Variants in SKAP1 observed in about 807,000 individuals in gnomAD.
The protein encoded by SKAP1 is src kinase associated phosphoprotein 1.
In SKAP1, 44 loss-of-function variants were observed where a neutral mutation model predicts 58.5. That is an observed-to-expected ratio of 0.75 (90% confidence interval 0.59 to 0.97). SKAP1 has a LOEUF of 0.97. Among genes scored for constraint, SKAP1 ranks in the 50% least tolerant of loss-of-function variants. SKAP1 has a pLI of 0.00. For missense variants in SKAP1, 390 were observed against 435.2 expected (o/e 0.90, Z 0.92); for synonymous variants, 127 against 149.7 (o/e 0.85, Z 1.11).
upstream of SKAP1, among the ~76,000 whole-genome samples, chr17:48,434,747 G>C (rs2067932190): frequency 1.3e-5 from 2 of 152,154 alleles, no homozygotes; most frequent in South Asian, 4.1e-4. Context: ...ATTAGAATCA[G>C]GTACAAAGCT....
At chr17:48,183,272 G>T (rs1007384198) in intron 7 of SKAP1, among the ~76,000 whole-genome samples, 2 of 152,178 alleles carry the variant, frequency 1.3e-5, no homozygotes, top group African/African-American at 2.4e-5. Context: ...TATTGTGATA[G>T]CTGTGGGAAT....
At chr17:48,384,564 G>T (rs192286270) in intron 2 of SKAP1, among the ~76,000 whole-genome samples, 4 of 152,276 alleles carry the variant, frequency 2.6e-5, no homozygotes, top group Admixed American at 2.0e-4. Flanking sequence ...GCAGAGTAAC[G>T]TCCTACTGCA....
intron 3 of SKAP1, among the ~76,000 whole-genome samples, chr17:48,349,151 G>C (rs1394249446): frequency 6.6e-6 from 1 of 152,194 alleles, no homozygotes; most frequent in Non-Finnish European, 1.5e-5. Flanking sequence ...TGGGTGAAAA[G>C]TTTTATAGAA....
chr17:48,154,359 C>CTCCCTGTTTCCACATCAAT (rs1175343456), intron 11 of SKAP1, among the ~76,000 whole-genome samples: 2 of 152,200 alleles, frequency 1.3e-5, no homozygotes, highest in Non-Finnish European at 2.9e-5. Context: ...GTCTGTATGG[C>CTCCCTGTTTCCACATCAAT]TCCCTGTTTC....
At chr17:48,296,505 T>C (rs2065974840) in intron 4 of SKAP1, among the ~76,000 whole-genome samples, 1 of 152,206 alleles carries the variant, frequency 6.6e-6, no homozygotes, top group Admixed American at 6.5e-5. Context: ...TCTTTAAAAT[T>C]GTTTTGATGT....
At chr17:48,198,184 G>T (rs190755684) in intron 4 of SKAP1, among the ~76,000 whole-genome samples, 2 of 152,022 alleles carry the variant, frequency 1.3e-5, no homozygotes, top group Non-Finnish European at 2.9e-5. Context: ...GGCCGGGCGC[G>T]GTGGCTCACG....
At position 48,430,090 on chromosome 17, in the gene SKAP1, G is replaced by C. The variant is rs1350430741; in HGVS notation, c.31C>G (p.Arg11Gly). 7.9e-7 allele frequency: 1 copy of C among 1,266,858 alleles called. No individual in the cohort carries two copies. Among genetic ancestry groups the C allele is most frequent in the East Asian group, 3.0e-5 (1 of 33,112 alleles). The allele number at this position is 1,266,858 out of a possible 1,614,324, so 78.5% of individuals were successfully genotyped here. MQAAALPEEIRWLLEDAEEFL... is the reference protein window; with the variant it reads MQAAALPEEIGWLLEDAEEFL... Reference sequence around the variant, plus strand: ...AGGGCGTTACCTTCCAGGAGCCAACGGATCTCCTCAGGGAGGGCGGCGGCC... The same window carrying C: ...AGGGCGTTACCTTCCAGGAGCCAACCGATCTCCTCAGGGAGGGCGGCGGCC... Residue 11 changes from arginine (R) to glycine (G), a missense_variant, in exon 1 of 13, where the codon CGT (arginine) becomes GGT (glycine). Arg to Gly is a moderately radical substitution (Grantham distance 125). Coordinates refer to ENST00000336915, the MANE Select transcript of SKAP1 (RefSeq NM_003726.4).
intron 1 of SKAP1, among the ~76,000 whole-genome samples, chr17:48,403,199 CAA>C (rs34653121): frequency 7.8e-5 from 7 of 89,382 alleles, no homozygotes; most frequent in Admixed American, 2.5e-4. Flanking sequence ...CCTGTCTCTA[CAA>C]AAAAAAAAAA....
rs755700577 is a variant in SKAP1, at chr17:48,137,215, C to T, written c.*7+14G>A. On this transcript the variant is annotated intron_variant, in intron 12 of 12. Coordinates refer to ENST00000336915, the MANE Select transcript of SKAP1 (RefSeq NM_003726.4). Reference sequence around the variant, plus strand: ...CTCAACTATTAGGCAGTTCATTGGCCATGGTTCTGATACCTGGGTTTCATC... The same window carrying T: ...CTCAACTATTAGGCAGTTCATTGGCTATGGTTCTGATACCTGGGTTTCATC... 1 of 1,553,820 alleles carries T rather than the reference C, an allele frequency of 6.4e-7. No individual in the cohort carries two copies. Among genetic ancestry groups the T allele is most frequent in the South Asian group, 1.1e-5 (1 of 89,584 alleles).
intron 1 of SKAP1, among the ~76,000 whole-genome samples, chr17:48,404,289 C>A (rs2067541650): frequency 6.6e-6 from 1 of 151,654 alleles, no homozygotes; most frequent in Non-Finnish European, 1.5e-5. Context: ...CCCATCTCTA[C>A]TAAAAATACA....
intron 11 of SKAP1, among the ~76,000 whole-genome samples, chr17:48,159,547 C>T (rs1221886617): frequency 3.9e-5 from 6 of 152,184 alleles, no homozygotes; most frequent in Non-Finnish European, 8.8e-5. Context: ...TCTGTCCTTA[C>T]AGGCGTGAGA....
intron 3 of SKAP1, among the ~76,000 whole-genome samples, chr17:48,359,189 C>A (rs1157727405): frequency 1.3e-5 from 2 of 152,024 alleles, no homozygotes; most frequent in African/African-American, 2.4e-5. Flanking sequence ...GTAATAAACT[C>A]CCATATATAC....
At chr17:48,326,889 C>CTTTTTTTTT (rs35868072) in intron 4 of SKAP1, among the ~76,000 whole-genome samples, 13 of 121,586 alleles carry the variant, frequency 1.1e-4, no homozygotes, top group South Asian at 2.7e-4. Context: ...TTCTTTCTTT[C>CTTTTTTTTT]TTTTTTTTTT....
intron 3 of SKAP1, among the ~76,000 whole-genome samples, chr17:48,362,028 G>A (rs925205602): frequency 6.6e-6 from 1 of 152,182 alleles, no homozygotes; most frequent in Non-Finnish European, 1.5e-5. Context: ...TAGGGCATGA[G>A]TTTTTCTATG....
At chr17:48,171,979 G>T (rs926075008) in intron 9 of SKAP1, among the ~76,000 whole-genome samples, 6 of 152,176 alleles carry the variant, frequency 3.9e-5, no homozygotes, top group Admixed American at 3.9e-4. Flanking sequence ...AGAATTGCTT[G>T]AATCCAGGAG....
chr17:48,282,814 T>C (rs1301778998), intron 4 of SKAP1, among the ~76,000 whole-genome samples: 1 of 150,612 alleles, frequency 6.6e-6, no homozygotes, highest in African/African-American at 2.4e-5. Context: ...GAAACTGCCC[T>C]TTTTTTTTGG....
intron 9 of SKAP1, among the ~76,000 whole-genome samples, chr17:48,177,903 C>A (rs532553238): frequency 1.8e-4 from 27 of 152,256 alleles, no homozygotes; most frequent in Middle Eastern, 3.4e-3. Flanking sequence ...GTTTCCCTAA[C>A]CTGCAGAAAG....
chr17:48,149,779 C>T (rs1184121824), intron 11 of SKAP1, among the ~76,000 whole-genome samples: 1 of 152,144 alleles, frequency 6.6e-6, no homozygotes, highest in Non-Finnish European at 1.5e-5. Context: ...TGCACCATCG[C>T]TAGATATTTA....
rs192547480 is a variant in SKAP1 at position 48,217,876 on chromosome 17, T to C, written c.281-28376A>G. On this transcript the variant is annotated intron_variant, in intron 4 of 12. Transcript: ENST00000336915. ...GGAAATAAATTAAAAGGCTACATTA[T>C]GTGAAACAGAGGGTCACAGCATAGG... Among the ~76,000 whole-genome samples the C allele has an allele frequency of 5.1e-4, 77 of 152,306 alleles. 1 individual carries two copies. Among genetic ancestry groups the C allele is most frequent in the Admixed American group, 1.3e-3 (20 of 15,300 alleles).
Sources: gnomAD v4.1 joint callset for allele counts (sites outside exome capture counted in the v4.1 genomes callset) on GRCh38, gnomAD v4.1.1 for gene constraint, MANE v1.5 for transcripts, NCBI Gene and HGNC (gene_info 2026-07-23, HGNC 2026-07-21) for gene names.